The following SCEL variants were observed in gnomAD, a reference collection of about 807,000 sequenced individuals.
The protein encoded by SCEL is sciellin.
A neutral mutation model predicts 117.6 loss-of-function variants in SCEL; 113 were observed. The ratio of observed to expected loss-of-function variants is 0.96; its 90% CI spans 0.83 to 1.12. SCEL has a LOEUF of 1.12. Ranked by LOEUF, SCEL falls within the 50% of genes most tolerant of loss-of-function variation. The pLI, the probability that SCEL is intolerant of heterozygous loss-of-function variation, is 0.00. For synonymous variants in SCEL, 270 were observed against 256.2 expected (o/e 1.05, Z -0.51); for missense variants, 785 against 810.8 (o/e 0.97, Z 0.39).
intron 7 of SCEL, 42 bp from the exon 8 acceptor site, chr13:77,569,329 A>T: frequency 6.7e-7 from 1 of 1,487,108 alleles, no homozygotes; most frequent in South Asian, 1.1e-5. Flanking sequence ...GAAATGAAAA[A>T]GTTTGAGAGT....
chr13:77,635,061 T>C (rs925526131), intron 29 of SCEL, among the ~76,000 whole-genome samples: 1 of 152,190 alleles, frequency 6.6e-6, no homozygotes, highest in African/African-American at 2.4e-5. Context: ...ACATGACCCA[T>C]ATGTTAAGCT....
intron 1 of SCEL, among the ~76,000 whole-genome samples, chr13:77,541,789 TAGTG>T (rs2083717362): frequency 6.6e-6 from 1 of 152,192 alleles, no homozygotes; most frequent in Admixed American, 6.5e-5. Context: ...GTTCTAAATA[TAGTG>T]AGAAAGATTT....
At chr13:77,630,906 C>T (rs2089992984) in intron 28 of SCEL, among the ~76,000 whole-genome samples, 1 of 152,190 alleles carries the variant, frequency 6.6e-6, no homozygotes, top group Non-Finnish European at 1.5e-5. Flanking sequence ...CATGAGTTCT[C>T]CTTTACAAGG....
intron 1 of SCEL, among the ~76,000 whole-genome samples, chr13:77,542,168 C>A (rs563337098): frequency 1.3e-5 from 2 of 152,018 alleles, no homozygotes; most frequent in Non-Finnish European, 2.9e-5. Flanking sequence ...AGAATCAGGC[C>A]GAGGCAGGCG....
At chr13:77,592,154 A>G (rs544143420) in intron 11 of SCEL, among the ~76,000 whole-genome samples, 1 of 152,294 alleles carries the variant, frequency 6.6e-6, no homozygotes, top group Non-Finnish European at 1.5e-5. Flanking sequence ...TTTAAAACTT[A>G]TATACTTTTC....
chr13:77,550,704 CT>C (rs1009508204), intron 1 of SCEL, among the ~76,000 whole-genome samples: 8 of 152,032 alleles, frequency 5.3e-5, no homozygotes, highest in Non-Finnish European at 1.2e-4. Context: ...ATTTTCATTC[CT>C]TTTTATGCTG....
chr13:77,614,038 G>T, intron 24 of SCEL, 83 bp downstream of exon 24: 1 of 1,117,062 alleles, frequency 9.0e-7, no homozygotes, highest in Non-Finnish European at 1.3e-6. Flanking sequence ...TATTCTATGG[G>T]CAAATTGAAT....
At chr13:77,630,421 T>G (rs1230946677) in intron 28 of SCEL, among the ~76,000 whole-genome samples, 1 of 152,208 alleles carries the variant, frequency 6.6e-6, no homozygotes, top group East Asian at 1.9e-4. Context: ...GTTTATCTAT[T>G]CATCACCTGA....
chr13:77,536,040 A>G (rs1484176885), intron 1 of SCEL, among the ~76,000 whole-genome samples: 4 of 151,552 alleles, frequency 2.6e-5, no homozygotes, highest in Admixed American at 2.6e-4. Flanking sequence ...TTTACACGTT[A>G]TGGGCATCAC....
rs2088848554 is a variant in SCEL at position 77,613,926 on chromosome 13, C to T, written c.1422C>T (p.Val474=). The T allele has an allele frequency of 6.2e-7, 1 of 1,613,512 alleles. No homozygotes were observed. The highest frequency in any genetic ancestry group is 8.5e-7 in the Non-Finnish European group (1 of 1,179,618). The change falls in exon 24 of 33, where the codon GTC becomes GTT. Residue 474 remains valine (V), a synonymous_variant. Transcript: ENST00000349847. ...AAGGTCTTGATGAACATATTAATGT[C>T]AGCCCCAAAGCTGTCAAAAACACTG... ...SEQGLDEHIN[V]SPKAVKNTDG...
intron 22 of SCEL, among the ~76,000 whole-genome samples, chr13:77,612,294 CAT>C (rs1379536463): frequency 1.3e-5 from 2 of 152,072 alleles, no homozygotes; most frequent in African/African-American, 2.4e-5. Context: ...ACAATAAAAA[CAT>C]AAATTCTATA....
intron 31 of SCEL, among the ~76,000 whole-genome samples, chr13:77,642,188 G>A (rs547406683): frequency 8.2e-4 from 125 of 151,966 alleles, no homozygotes; most frequent in African/African-American, 2.9e-3. Flanking sequence ...TATAGCCATA[G>A]CAATACAGAG....
In SCEL at chr13:77,642,820, A is replaced by G. The variant is rs766916400; in HGVS notation, c.2050+12A>G. 4.2e-6 allele frequency: 6 copies of G among 1,444,858 alleles called. No homozygotes were observed. The South Asian group carries it at 7.5e-5, about 18-fold the overall frequency. The allele number at this position is 1,444,858 out of a possible 1,614,324, so 89.5% of individuals were successfully genotyped here. Reference sequence around the variant, plus strand: ...CTCTAAAATTATGGGTAAGTGTTACACTCTAAGCATTTAACACTTTGGTTA... The same window carrying G: ...CTCTAAAATTATGGGTAAGTGTTACGCTCTAAGCATTTAACACTTTGGTTA... On this transcript the variant is annotated intron_variant, in intron 32 of 32. Coordinates refer to ENST00000349847, the MANE Select transcript of SCEL (RefSeq NM_144777.3).
chr13:77,604,206 G>T (rs1194886627), intron 18 of SCEL, 150 bp from the exon 19 acceptor site: 3 of 487,612 alleles, frequency 6.2e-6, no homozygotes, highest in African/African-American at 2.0e-5. Context: ...AGTTGTAAGA[G>T]AATATTTTCA....
chr13:77,604,313 A>G (rs759764968), intron 18 of SCEL, 43 bp from the exon 19 acceptor site: 2 of 1,252,184 alleles, frequency 1.6e-6, no homozygotes, highest in Non-Finnish European at 2.3e-6. Flanking sequence ...GATTAGTGCT[A>G]TACTTTAACA....
At chr13:77,576,452 CT>C (rs145948169) in intron 9 of SCEL, among the ~76,000 whole-genome samples, 17,462 of 152,194 alleles carry the variant, frequency 0.11, 1,098 homozygotes, top group Non-Finnish European at 0.15. Flanking sequence ...CTCTTCTCTT[CT>C]CCTCTTGTTC....
intron 28 of SCEL, among the ~76,000 whole-genome samples, chr13:77,629,885 A>G (rs1379684250): frequency 6.6e-6 from 1 of 152,198 alleles, no homozygotes; most frequent in Non-Finnish European, 1.5e-5. Flanking sequence ...CCTCTTGAGC[A>G]TGCATTCCTT....
At chr13:77,619,862 T>A (rs1029448635) in intron 27 of SCEL, among the ~76,000 whole-genome samples, 1 of 152,104 alleles carries the variant, frequency 6.6e-6, no homozygotes, top group African/African-American at 2.4e-5. Flanking sequence ...CTCTCCCACA[T>A]CCCCTTCCCA....
intron 1 of SCEL, among the ~76,000 whole-genome samples, chr13:77,549,481 C>T (rs567865945): frequency 6.6e-6 from 1 of 152,056 alleles, no homozygotes; most frequent in Non-Finnish European, 1.5e-5. Flanking sequence ...TCTGCTATAC[C>T]CCATTGTTAG....
Sources: gnomAD v4.1 joint callset for allele counts (sites outside exome capture counted in the v4.1 genomes callset) on GRCh38, gnomAD v4.1.1 for gene constraint, MANE v1.5 for transcripts, NCBI Gene and HGNC (gene_info 2026-07-23, HGNC 2026-07-21) for gene names.